Variants in DPP10 observed in about 807,000 individuals in gnomAD.
DPP10 encodes the protein inactive dipeptidyl peptidase 10.
DPP10 carries 33 observed loss-of-function variants against 120.9 expected under a neutral mutation model. That is an observed-to-expected ratio of 0.27 (90% CI 0.21 to 0.37). The LOEUF is 0.37. Among genes scored for constraint, DPP10 ranks in the 10% least tolerant of loss-of-function variants. DPP10 has a pLI of 1.00. For missense variants in DPP10, 816 were observed against 942.8 expected (o/e 0.87, Z 1.76); for synonymous variants, 337 against 326.1 (o/e 1.03, Z -0.36).
Position 115,845,558 on chromosome 2 carries a change from C to T in DPP10, c.*3213C>T, listed in dbSNP as rs1385467128. The T allele has an allele frequency of 1.3e-5, 2 of 152,224 alleles. No individual in the cohort carries two copies. Among genetic ancestry groups the T allele is most frequent in the African/African-American group, 2.4e-5 (1 of 41,448 alleles). 9.4% of individuals were successfully genotyped at this position (152,224 alleles called of 1,614,324 possible). ...CCATAGCTGCATACCCTTCTATTTT[C>T]CTCTTCCCCATTTCACTCTTTTAAG... is the stretch of plus-strand genomic sequence containing the variant. On this transcript the variant is annotated 3_prime_UTR_variant, in exon 26 of 26. Coordinates refer to ENST00000410059, the MANE Select transcript of DPP10 (RefSeq NM_020868.6).
At chr2:115,162,094 C>T (rs1559165116) in intron 1 of DPP10, 3 of 1,500,508 alleles carry the variant, frequency 2.0e-6, no homozygotes, top group Non-Finnish European at 2.7e-6. Context: ...CTCCGCCCGC[C>T]TCCCGCTTCC....
At chr2:114,724,050 G>T (rs550601420) in intron 1 of DPP10, among the ~76,000 whole-genome samples, 36 of 152,156 alleles carry the variant, frequency 2.4e-4, no homozygotes, top group Non-Finnish European at 5.3e-4. Flanking sequence ...TGGGTTGATG[G>T]ATGTTTCTAT....
intron 1 of DPP10, among the ~76,000 whole-genome samples, chr2:114,528,267 A>T (rs955655090): frequency 6.6e-6 from 1 of 152,194 alleles, no homozygotes. Flanking sequence ...CAAGCCAGGG[A>T]CTATCATAGT....
intron 1 of DPP10, among the ~76,000 whole-genome samples, chr2:114,872,047 A>T (rs940060210): frequency 1.1e-4 from 17 of 152,222 alleles, no homozygotes; most frequent in African/African-American, 3.6e-4. Context: ...GATTAACATT[A>T]GCAAAGAGCT....
intron 5 of DPP10, among the ~76,000 whole-genome samples, chr2:115,533,058 T>G (rs192177784): frequency 9.9e-5 from 15 of 152,158 alleles, no homozygotes; most frequent in Admixed American, 3.3e-4. Flanking sequence ...ATTTATAGTT[T>G]TATAGTTTTC....
At chr2:114,906,152 G>A (rs960047138) in intron 1 of DPP10, among the ~76,000 whole-genome samples, 5 of 152,034 alleles carry the variant, frequency 3.3e-5, no homozygotes, top group Non-Finnish European at 5.9e-5. Context: ...GCCAAAGTGA[G>A]TGATTGCTTG....
chr2:115,364,498 C>A (rs2064969325), intron 3 of DPP10, among the ~76,000 whole-genome samples: 1 of 151,850 alleles, frequency 6.6e-6, no homozygotes, highest in South Asian at 2.1e-4. Flanking sequence ...CAAACCATGT[C>A]TTTTTTACAT....
At chr2:115,302,622 G>A (rs1322006618) in intron 1 of DPP10, among the ~76,000 whole-genome samples, 1 of 151,594 alleles carries the variant, frequency 6.6e-6, no homozygotes, top group African/African-American at 2.4e-5. Flanking sequence ...AAACAATCCC[G>A]GAACAAAATA....
At chr2:115,431,195 G>A (rs960111974) in intron 3 of DPP10, among the ~76,000 whole-genome samples, 2 of 152,200 alleles carry the variant, frequency 1.3e-5, no homozygotes, top group African/African-American at 4.8e-5. Context: ...GTCCTGACCA[G>A]AGATCTAAAG....
rs552365389 is a variant in DPP10, at chr2:115,004,673, C to T, written c.61-304566C>T. ...GCACTTTTCCGTTGGGCTTAAAAAA[C>T]GGCGCACCATGAGATTATATCCCGC... On this transcript the variant is annotated intron_variant, in intron 1 of 25. Transcript: ENST00000410059. Among the ~76,000 whole-genome samples, 415 of 152,280 alleles carry T rather than the reference C, an allele frequency of 2.7e-3. 1 individual carries two copies. Among genetic ancestry groups the T allele is most frequent in the African/African-American group, 9.4e-3 (390 of 41,554 alleles).
At chr2:114,936,793 G>A (rs1379740220) in intron 1 of DPP10, among the ~76,000 whole-genome samples, 2 of 152,174 alleles carry the variant, frequency 1.3e-5, no homozygotes, top group African/African-American at 4.8e-5. Context: ...TCTTGTAGGA[G>A]TGAGGTGTTA....
chr2:114,773,219 G>A (rs186548819), intron 1 of DPP10, among the ~76,000 whole-genome samples: 43 of 152,296 alleles, frequency 2.8e-4, no homozygotes, highest in African/African-American at 1.0e-3. Context: ...AGTGGGAACA[G>A]CAGACTGACT....
chr2:114,456,611 A>G (rs1678600338), intron 1 of DPP10, among the ~76,000 whole-genome samples: 1 of 152,250 alleles, frequency 6.6e-6, no homozygotes, highest in African/African-American at 2.4e-5. Flanking sequence ...ATGTTGTTGA[A>G]TAAAAATAGC....
At chr2:114,570,331 A>G (rs1689531695) in intron 1 of DPP10, among the ~76,000 whole-genome samples, 2 of 152,112 alleles carry the variant, frequency 1.3e-5, no homozygotes, top group Admixed American at 6.5e-5. Flanking sequence ...ATCTCACTCA[A>G]AGATAAATGG....
chr2:115,457,052 G>A (rs1001227161), intron 3 of DPP10, among the ~76,000 whole-genome samples: 1 of 151,904 alleles, frequency 6.6e-6, no homozygotes, highest in Non-Finnish European at 1.5e-5. Flanking sequence ...AGAAAATGTG[G>A]TACTATCATA....
chr2:115,838,844 G>A (rs1173838783), intron 24 of DPP10, among the ~76,000 whole-genome samples: 3 of 151,922 alleles, frequency 2.0e-5, no homozygotes, highest in African/African-American at 4.8e-5. Flanking sequence ...CAACCCATAC[G>A]GGCCTGGTGA....
intron 1 of DPP10, among the ~76,000 whole-genome samples, chr2:114,875,076 A>C (rs910744301): frequency 5.3e-5 from 8 of 152,194 alleles, no homozygotes; most frequent in African/African-American, 1.7e-4. Context: ...CCATGCTAAA[A>C]GGGTAGCTTT....
At chr2:114,739,616 G>A (rs1408776737) in intron 1 of DPP10, among the ~76,000 whole-genome samples, 1 of 152,116 alleles carries the variant, frequency 6.6e-6, no homozygotes, top group East Asian at 1.9e-4. Context: ...CCAAGACTGA[G>A]CCACTGCACT....
chr2:115,089,488 C>A (rs750428377), intron 1 of DPP10, among the ~76,000 whole-genome samples: 2 of 152,136 alleles, frequency 1.3e-5, no homozygotes, highest in African/African-American at 4.8e-5. Context: ...ACTGAAGTCC[C>A]TTTCTCACTA....
Sources: allele counts gnomAD v4.1 joint callset (sites outside exome capture counted in the v4.1 genomes callset), GRCh38; gene constraint gnomAD v4.1.1; transcripts MANE v1.5; gene names NCBI Gene and HGNC (gene_info 2026-07-23, HGNC 2026-07-21).